Variants in ACSS2 observed in about 807,000 individuals in gnomAD.
The protein encoded by ACSS2 is acyl-CoA synthetase short chain family member 2, also known as acetyl-coenzyme A synthetase, cytoplasmic.
Under a neutral mutation model 90.6 loss-of-function variants are expected in ACSS2, and 58 were observed. The ratio of observed to expected loss-of-function variants is 0.64; its 90% confidence interval spans 0.52 to 0.80. ACSS2 has a LOEUF of 0.80. Ranked by LOEUF, ACSS2 falls within the 30% of genes least tolerant of loss-of-function variation. The probability of loss-of-function intolerance (pLI) is 0.00; values close to 1 mark genes in which losing one functional copy is unlikely to be tolerated. For missense variants in ACSS2, 759 were observed against 912.0 expected (o/e 0.83, Z 2.16); for synonymous variants, 300 against 330.9 (o/e 0.91, Z 1.01).
chr20:34,895,175 TAA>T (rs899323438), intron 2 of ACSS2, among the ~76,000 whole-genome samples: 23 of 152,192 alleles, frequency 1.5e-4, no homozygotes, highest in Admixed American at 2.6e-4. Flanking sequence ...AATTTTATCA[TAA>T]GATTTAAAAA....
chr20:34,924,755 G>A (rs1248349561), intron 14 of ACSS2, among the ~76,000 whole-genome samples: 4 of 151,742 alleles, frequency 2.6e-5, no homozygotes, highest in African/African-American at 7.3e-5. Flanking sequence ...GCTGGAGTGC[G>A]GTGGCACGAC....
At chr20:34,895,904 C>T (rs1416551631) in intron 2 of ACSS2, among the ~76,000 whole-genome samples, 1 of 152,206 alleles carries the variant, frequency 6.6e-6, no homozygotes, top group Admixed American at 6.5e-5. Flanking sequence ...TAATAGAGAA[C>T]CATTGTAATG....
chr20:34,898,428 C>T lies in ACSS2; in HGVS notation c.375-14668C>T, dbSNP rs1052001655. ...GTGCCAACACAAAGGTTCTCCAAGT[C>T]CCCACCAGAGTAGCTAGATACAGAG... On this transcript the variant is annotated intron_variant, in intron 2 of 17. Coordinates refer to ENST00000360596, the MANE Select transcript of ACSS2 (RefSeq NM_018677.4). 5.9e-5 allele frequency among the ~76,000 whole-genome samples: 9 copies of T among 151,636 alleles called. No homozygotes were observed. In the South Asian group the frequency reaches 1.9e-3, roughly 32 times the overall value.
chr20:34,919,428 C>G lies in ACSS2; in HGVS notation c.835-7C>G. On this transcript the variant is annotated splice_polypyrimidine_tract_variant and splice_region_variant and intron_variant, in intron 7 of 17. Transcript: ENST00000360596. The stretch of plus-strand genomic sequence containing the variant: ...TGTTCACAGTTCTTCCCTGCCCATC[C>G]CTGCAGATCTCATGGAACCAAGGGA... 6.2e-7 allele frequency: 1 copy of G among 1,613,790 alleles called. No individual in the cohort carries two copies. Among genetic ancestry groups the G allele is most frequent in the Non-Finnish European group, 8.5e-7 (1 of 1,179,954 alleles).
chr20:34,883,114 A>C (rs2080106369), intron 2 of ACSS2, 125 bp downstream of exon 2: 2 of 667,476 alleles, frequency 3.0e-6, no homozygotes, highest in African/African-American at 3.7e-5. Context: ...ACCTCAAGGA[A>C]GCTACATGAC....
At chr20:34,922,892 G>T (rs936582460) in intron 13 of ACSS2, 32 of 159,784 alleles carry the variant, frequency 2.0e-4, no homozygotes, top group Admixed American at 3.6e-4. Context: ...TACTGATTGG[G>T]CAATAATTAT....
chr20:34,877,553 C>T (rs971566234), intron 1 of ACSS2, among the ~76,000 whole-genome samples: 4 of 152,108 alleles, frequency 2.6e-5, no homozygotes, highest in Non-Finnish European at 5.9e-5. Flanking sequence ...AGCAGTGGCT[C>T]ACGCCTGTAA....
intron 2 of ACSS2, among the ~76,000 whole-genome samples, chr20:34,910,660 A>T (rs913110414): frequency 3.3e-5 from 5 of 152,200 alleles, no homozygotes; most frequent in Non-Finnish European, 7.3e-5. Flanking sequence ...TCTCTAAAAA[A>T]CAAATCACAA....
intron 2 of ACSS2, among the ~76,000 whole-genome samples, chr20:34,895,383 G>T (rs6088642): frequency 0.55 from 83,135 of 151,940 alleles, 23,409 homozygotes; most frequent in South Asian, 0.74. Flanking sequence ...CAGATCTACT[G>T]TGTTAGAAAT....
chr20:34,902,529 A>G (rs529761514), intron 2 of ACSS2, among the ~76,000 whole-genome samples: 2 of 152,098 alleles, frequency 1.3e-5, no homozygotes, highest in African/African-American at 4.8e-5. Context: ...GGCATGTTCT[A>G]TCAGTCAGAA....
intron 2 of ACSS2, 36 bp from the exon 3 acceptor site, chr20:34,913,060 T>C (rs1488046979): frequency 2.0e-6 from 3 of 1,505,512 alleles, no homozygotes; most frequent in Non-Finnish European, 1.9e-6. Flanking sequence ...GAAGAAGTTA[T>C]ACCCCTAATC....
chr20:34,888,779 C>T (rs1204888928), intron 2 of ACSS2, among the ~76,000 whole-genome samples: 1 of 152,052 alleles, frequency 6.6e-6, no homozygotes, highest in East Asian at 1.9e-4. Flanking sequence ...GTGTGCCACG[C>T]AGATAGTTGG....
chr20:34,925,255 G>A (rs940648773), intron 14 of ACSS2, among the ~76,000 whole-genome samples: 1 of 152,144 alleles, frequency 6.6e-6, no homozygotes, highest in African/African-American at 2.4e-5. Flanking sequence ...GTAGTCATCT[G>A]AAGGTTTGAG....
At chr20:34,909,938 A>G (rs1438468981) in intron 2 of ACSS2, among the ~76,000 whole-genome samples, 3 of 151,898 alleles carry the variant, frequency 2.0e-5, no homozygotes, top group Non-Finnish European at 4.4e-5. Context: ...GCTGGTCTCA[A>G]ACTCCTGACC....
At chr20:34,920,747 C>A in intron 9 of ACSS2, 38 bp downstream of exon 9, 2 of 1,581,974 alleles carry the variant, frequency 1.3e-6, no homozygotes, top group Non-Finnish European at 1.7e-6. Context: ...GGGGGATGGA[C>A]AAGATTATCC....
chr20:34,887,238 C>CGAGAG (rs1443791860), intron 2 of ACSS2, among the ~76,000 whole-genome samples: 1 of 152,224 alleles, frequency 6.6e-6, no homozygotes, highest in African/African-American at 2.4e-5. Flanking sequence ...TCTCCAGATA[C>CGAGAG]TCTCACTCCT....
chr20:34,879,170 C>T (rs1270330249), intron 1 of ACSS2, among the ~76,000 whole-genome samples: 1 of 151,974 alleles, frequency 6.6e-6, no homozygotes, highest in Non-Finnish European at 1.5e-5. Flanking sequence ...TCCCAAAGTG[C>T]TGGGATTACA....
chr20:34,908,261 A>G (rs2080858147), intron 2 of ACSS2, among the ~76,000 whole-genome samples: 3 of 152,230 alleles, frequency 2.0e-5, no homozygotes, highest in Admixed American at 2.0e-4. Flanking sequence ...ATCCACTTAC[A>G]GTAAAATTCA....
rs1442497551 is a variant in ACSS2 at position 34,923,305 on chromosome 20, C to T, written c.1549-18C>T. 1.3e-6 allele frequency: 2 copies of T among 1,567,198 alleles called. No individual in the cohort carries two copies. Among genetic ancestry groups the T allele is most frequent in the Admixed American group, 3.3e-5 (2 of 59,910 alleles). ...ACAGCATAGCAAATGTGATCACTGT[C>T]CCTTCCTCACTCCCCAGGTGTTCAA... On this transcript the variant is annotated intron_variant, in intron 13 of 17. Coordinates refer to ENST00000360596, the MANE Select transcript of ACSS2 (RefSeq NM_018677.4).
Sources: gnomAD v4.1 joint callset for allele counts (sites outside exome capture counted in the v4.1 genomes callset) on GRCh38, gnomAD v4.1.1 for gene constraint, MANE v1.5 for transcripts, NCBI Gene and HGNC (gene_info 2026-07-23, HGNC 2026-07-21) for gene names.